Variants in KCNG2 observed in about 807,000 individuals in gnomAD.
KCNG2 encodes voltage-gated potassium channel regulatory subunit KCNG2.
KCNG2 carries 7 observed loss-of-function variants against 12.3 expected under a neutral mutation model. The ratio of observed to expected loss-of-function variants is 0.57; its 90% CI spans 0.32 to 1.07. KCNG2 has a LOEUF of 1.07. Among genes scored for constraint, KCNG2 ranks in the 50% least tolerant of loss-of-function variants. The pLI is 0.04. For synonymous variants in KCNG2, 414 were observed against 351.4 expected (o/e 1.18, Z -1.99); for missense variants, 703 against 726.0 (o/e 0.97, Z 0.36).
At chr18:79,815,241 T>A (rs2087520573) in intron 1 of KCNG2, among the ~76,000 whole-genome samples, 1 of 152,020 alleles carries the variant, frequency 6.6e-6, no homozygotes, top group Admixed American at 6.6e-5. Context: ...GAGTTCAAGA[T>A]CAGCCTGGGC....
chr18:79,881,181 C>G (rs1980279346), intron 3 of KCNG2, among the ~76,000 whole-genome samples: 1 of 152,084 alleles, frequency 6.6e-6, no homozygotes, highest in Non-Finnish European at 1.5e-5. Flanking sequence ...ACACGCTGTC[C>G]AATTGGAAAG....
chr18:79,840,168 A>T (rs961493591), intron 1 of KCNG2, among the ~76,000 whole-genome samples: 4 of 152,246 alleles, frequency 2.6e-5, no homozygotes, highest in Admixed American at 1.3e-4. Context: ...TAAAGGAAGA[A>T]ATAAGACTGC....
intron 1 of KCNG2, among the ~76,000 whole-genome samples, chr18:79,844,780 T>C (rs1978568211): frequency 6.6e-6 from 1 of 152,226 alleles, no homozygotes; most frequent in Admixed American, 6.5e-5. Flanking sequence ...GAGAAACTGT[T>C]TCTCTCATAC....
chr18:79,880,262 A>G (rs1338700067), intron 3 of KCNG2, among the ~76,000 whole-genome samples: 1 of 146,948 alleles, frequency 6.8e-6, no homozygotes, highest in South Asian at 2.1e-4. Flanking sequence ...ATATCACATG[A>G]GCCAAGATCG....
chr18:79,883,577 C>T (rs1407797141), intron 3 of KCNG2, among the ~76,000 whole-genome samples: 2 of 152,330 alleles, frequency 1.3e-5, no homozygotes, highest in African/African-American at 4.8e-5. Context: ...TGGCTGTGGC[C>T]GTGACCCAGG....
In KCNG2 at chr18:79,899,174, C is replaced by T. The variant is rs1259137759; in HGVS notation, c.759C>T (p.Ile253=). 6.2e-7 allele frequency: 1 copy of T among 1,605,808 alleles called. No individual in the cohort carries two copies. Among genetic ancestry groups the T allele is most frequent in the Non-Finnish European group, 8.5e-7 (1 of 1,179,580 alleles). ...KCAFLRAPLN[I]IDILALLPFY... ...CCTTCCTGCGCGCGCCACTCAACATCATTGACATCCTGGCGCTCCTGCCGT... is the reference window on the plus strand; with the variant it reads ...CCTTCCTGCGCGCGCCACTCAACATTATTGACATCCTGGCGCTCCTGCCGT... Residue 253 remains isoleucine (I), a synonymous_variant, in exon 4 of 4, where the codon ATC becomes ATT. Coordinates refer to ENST00000316249, the MANE Select transcript of KCNG2 (RefSeq NM_012283.2).
intron 1 of KCNG2, among the ~76,000 whole-genome samples, chr18:79,850,929 G>A (rs369638279): frequency 3.3e-5 from 5 of 152,272 alleles, no homozygotes; most frequent in African/African-American, 4.8e-5. Flanking sequence ...CGGGGCCTGC[G>A]GTTCCAGCTC....
chr18:79,872,280 G>GTTTTTTTTTTTTTTTTTTTTTTTTTTT (rs1162742507), intron 3 of KCNG2, among the ~76,000 whole-genome samples: 2 of 73,410 alleles, frequency 2.7e-5, no homozygotes, highest in African/African-American at 1.0e-4. Context: ...CAAAGCTTCA[G>GTTTTTTTTTTTTTTTTTTTTTTTTTTT]TTTTTTTTTT....
intron 3 of KCNG2, among the ~76,000 whole-genome samples, chr18:79,897,238 T>C (rs1252697765): frequency 6.6e-6 from 1 of 152,232 alleles, no homozygotes; most frequent in Non-Finnish European, 1.5e-5. Flanking sequence ...TGTCCCACAC[T>C]TCCTAAAGCG....
At chr18:79,887,406 G>A (rs56071379) in intron 3 of KCNG2, among the ~76,000 whole-genome samples, 45,180 of 151,996 alleles carry the variant, frequency 0.3, 7,803 homozygotes, top group South Asian at 0.53. Context: ...GACCTGTGCT[G>A]AGATGCCCTG....
chr18:79,817,709 C>A (rs760552096), intron 1 of KCNG2, among the ~76,000 whole-genome samples: 6 of 152,230 alleles, frequency 3.9e-5, no homozygotes, highest in South Asian at 2.1e-4. Context: ...TGCCCTCCCT[C>A]CACACCTCCC....
intron 1 of KCNG2, among the ~76,000 whole-genome samples, chr18:79,815,375 G>T (rs1473001827): frequency 6.6e-6 from 1 of 151,410 alleles, no homozygotes. Context: ...GGGAGGTCAG[G>T]GCTGCAGTGA....
chr18:79,814,543 A>T (rs2087514588), intron 1 of KCNG2, among the ~76,000 whole-genome samples: 1 of 152,190 alleles, frequency 6.6e-6, no homozygotes, highest in South Asian at 2.1e-4. Flanking sequence ...GGACAAGCTT[A>T]TAGAGATGAG....
chr18:79,875,355 C>T (rs566387472), intron 3 of KCNG2, among the ~76,000 whole-genome samples: 71 of 151,892 alleles, frequency 4.7e-4, no homozygotes, highest in African/African-American at 1.5e-3. Context: ...CCTGGGCGCT[C>T]CCCTTGGTCT....
intron 1 of KCNG2, among the ~76,000 whole-genome samples, chr18:79,825,661 C>T (rs997644204): frequency 6.6e-6 from 1 of 152,180 alleles, no homozygotes; most frequent in African/African-American, 2.4e-5. Flanking sequence ...AGGATTAATA[C>T]GAAGGTAGAT....
At chr18:79,853,374 G>T (rs951271527) in intron 1 of KCNG2, among the ~76,000 whole-genome samples, 1 of 152,162 alleles carries the variant, frequency 6.6e-6, no homozygotes, top group Non-Finnish European at 1.5e-5. Context: ...TCACCATGGG[G>T]TGAGGGGTCA....
intron 1 of KCNG2, among the ~76,000 whole-genome samples, chr18:79,852,969 C>T (rs979740618): frequency 1.2e-4 from 19 of 152,254 alleles, no homozygotes; most frequent in African/African-American, 3.9e-4. Flanking sequence ...GTTCCACCCA[C>T]TCCCACCGTG....
intron 3 of KCNG2, among the ~76,000 whole-genome samples, chr18:79,891,403 G>A (rs1980739368): frequency 6.6e-6 from 1 of 151,838 alleles, no homozygotes; most frequent in Admixed American, 6.6e-5. Flanking sequence ...GCTAATTTTT[G>A]TATGTCTCGT....
rs377671733 is a variant in KCNG2, at chr18:79,899,382, G to A, written c.967G>A (p.Gly323Arg). The part of the protein sequence containing the change: ...LTMRRCAREF[G>R]LLLLFLCVAM... ...CATGCGCCGCTGCGCGCGCGAGTTCGGGCTGCTGCTGCTGTTCCTCTGCGT... is the reference window on the plus strand; with the variant it reads ...CATGCGCCGCTGCGCGCGCGAGTTCAGGCTGCTGCTGCTGTTCCTCTGCGT... Residue 323 changes from glycine to arginine, a missense_variant, in exon 4 of 4, where the codon GGG becomes AGG. Transcript: ENST00000316249. 68 of 1,565,946 alleles carry A rather than the reference G, an allele frequency of 4.3e-5. No individual in the cohort carries two copies. Among genetic ancestry groups the A allele is most frequent in the African/African-American group, 9.6e-5 (7 of 72,752 alleles).
Sources: gnomAD v4.1 joint callset for allele counts (sites outside exome capture counted in the v4.1 genomes callset) on GRCh38, gnomAD v4.1.1 for gene constraint, MANE v1.5 for transcripts, NCBI Gene and HGNC (gene_info 2026-07-23, HGNC 2026-07-21) for gene names.